RWDD4: variants seen among roughly 807,000 people sequenced by gnomAD.
The protein encoded by RWDD4 is RWD domain-containing protein 4.
A neutral mutation model predicts 30.0 loss-of-function variants in RWDD4; 16 were observed. That is an observed-to-expected ratio of 0.53 (90% CI 0.36 to 0.81). The LOEUF is 0.81. RWDD4 is among the 30% of genes least tolerant of loss of function. The pLI, the probability that RWDD4 is intolerant of heterozygous loss-of-function variation, is 0.00. For synonymous variants in RWDD4, 45 were observed against 72.1 expected (o/e 0.62, Z 1.90); for missense variants, 170 against 223.9 (o/e 0.76, Z 1.54).
intron 7 of RWDD4, among the ~76,000 whole-genome samples, chr4:183,645,546 G>T (rs1165314010): frequency 6.7e-6 from 1 of 148,814 alleles, no homozygotes; most frequent in African/African-American, 2.5e-5. Context: ...GAGGTAGCAG[G>T]ATCACCTAAG....
rs1224074532 is a variant in RWDD4, at chr4:183,640,836, CAAGAG to C, written c.*595_*599del. 2.4e-5 allele frequency: 3 copies of C among 123,254 alleles called. No homozygotes were observed. The highest frequency in any genetic ancestry group is 3.4e-5 in the Non-Finnish European group (2 of 59,566). The allele number at this position is 123,254 out of a possible 1,614,324, so 7.6% of individuals were successfully genotyped here. ...CATGATCAAACATCTTGACCCAAAT[CAAGAG>C]AAAAGTATAAATAGATATTAATTTA... On this transcript the variant is annotated 3_prime_UTR_variant, in exon 8 of 8. Transcript: ENST00000326397.
At chr4:183,655,038 T>C (rs1734158266) in intron 2 of RWDD4, among the ~76,000 whole-genome samples, 3 of 152,036 alleles carry the variant, frequency 2.0e-5, no homozygotes. Context: ...CCTCCTGGGT[T>C]CAAGTGATTC....
intron 2 of RWDD4, among the ~76,000 whole-genome samples, chr4:183,654,641 A>C (rs910373177): frequency 2.0e-5 from 3 of 152,184 alleles, no homozygotes; most frequent in Non-Finnish European, 4.4e-5. Context: ...AGTATAGGGA[A>C]ATTCTCGACC....
chr4:183,641,653 C>G (rs1175440095), intron 7 of RWDD4, among the ~76,000 whole-genome samples, 185 bp from the exon 8 acceptor site: 1 of 152,078 alleles, frequency 6.6e-6, no homozygotes, highest in Non-Finnish European at 1.5e-5. Context: ...AAAATGTAAC[C>G]TTGACAAAAA....
intron 2 of RWDD4, among the ~76,000 whole-genome samples, chr4:183,653,338 G>A (rs1734121770): frequency 6.6e-6 from 1 of 152,008 alleles, no homozygotes; most frequent in South Asian, 2.1e-4. Flanking sequence ...AGAAGGTGAG[G>A]TGGGAGGATG....
chr4:183,648,017 G>T (rs4498169), intron 5 of RWDD4, among the ~76,000 whole-genome samples: 28,889 of 151,868 alleles, frequency 0.19, 2,879 homozygotes, highest in East Asian at 0.26. Flanking sequence ...GGCCGAGGCT[G>T]GCAGATCACG....
chr4:183,659,028 G>A lies in RWDD4; in HGVS notation c.-76C>T, dbSNP rs899199243. ...GAGAAAGCGAAGGCAGCGGCCCAGA[G>A]GCCGGGCGTCCCCCTTTCGCGCCTC... On this transcript the variant is annotated 5_prime_UTR_variant, in exon 1 of 8. Coordinates refer to ENST00000326397, the MANE Select transcript of RWDD4 (RefSeq NM_152682.4). 3.5e-5 allele frequency: 40 copies of A among 1,138,664 alleles called. 1 individual carries two copies. The Admixed American group carries it at 7.0e-4, about 20-fold the overall frequency. The allele number at this position is 1,138,664 out of a possible 1,614,324, so 70.5% of individuals were successfully genotyped here.
At chr4:183,649,252 A>G (rs961779448) in intron 5 of RWDD4, among the ~76,000 whole-genome samples, 199 bp downstream of exon 5, 2 of 152,128 alleles carry the variant, frequency 1.3e-5, no homozygotes. Flanking sequence ...CGTCTCTACT[A>G]AAAATACAAA....
chr4:183,650,583 C>T (rs1351117169), intron 4 of RWDD4, among the ~76,000 whole-genome samples: 1 of 152,136 alleles, frequency 6.6e-6, no homozygotes, highest in Non-Finnish European at 1.5e-5. Flanking sequence ...AACATCTACA[C>T]ATTGAACTGT....
chr4:183,650,878 C>A, intron 4 of RWDD4, 106 bp downstream of exon 4: 1 of 1,139,636 alleles, frequency 8.8e-7, no homozygotes, highest in Non-Finnish European at 1.2e-6. Context: ...CTCACTTTAA[C>A]AAGTCTTCTT....
intron 7 of RWDD4, among the ~76,000 whole-genome samples, chr4:183,643,103 TAAAA>T: frequency 3.5e-5 from 3 of 84,908 alleles, no homozygotes; most frequent in African/African-American, 1.4e-4. Flanking sequence ...AATAAATAAA[TAAAA>T]TAAAAATTAA....
intron 2 of RWDD4, among the ~76,000 whole-genome samples, chr4:183,655,509 C>T (rs1320151999): frequency 5.9e-5 from 9 of 152,116 alleles, no homozygotes; most frequent in Non-Finnish European, 1.2e-4. Context: ...TGGTCTCGAT[C>T]TCCTGACCTC....
At chr4:183,652,679 A>G (rs928905318) in intron 2 of RWDD4, among the ~76,000 whole-genome samples, 52 of 151,952 alleles carry the variant, frequency 3.4e-4, no homozygotes, top group African/African-American at 1.2e-3. Context: ...GCATGGTGGC[A>G]TGCGCCTGTA....
At chr4:183,644,292 C>T (rs547766742) in intron 7 of RWDD4, among the ~76,000 whole-genome samples, 18 of 152,230 alleles carry the variant, frequency 1.2e-4, no homozygotes, top group Non-Finnish European at 1.8e-4. Context: ...GAGAGAATGC[C>T]GGAGAGGCTT....
At chr4:183,648,490 T>C (rs1452694844) in intron 5 of RWDD4, among the ~76,000 whole-genome samples, 7 of 89,602 alleles carry the variant, frequency 7.8e-5, no homozygotes, top group Non-Finnish European at 1.8e-4. Context: ...TGAGCTAGAG[T>C]TTATTATCTT....
intron 7 of RWDD4, among the ~76,000 whole-genome samples, chr4:183,641,672 C>T (rs937382613): frequency 1.3e-5 from 2 of 152,110 alleles, no homozygotes; most frequent in Admixed American, 6.5e-5. Context: ...AATCTAAACT[C>T]AACAGAACAA....
chr4:183,652,765 G>A, intron 2 of RWDD4, among the ~76,000 whole-genome samples: 1 of 150,052 alleles, frequency 6.7e-6, no homozygotes, highest in Non-Finnish European at 1.5e-5. Flanking sequence ...AGCCGAGATA[G>A]TGCCACTGCA....
chr4:183,653,171 A>G (rs1283396155), intron 2 of RWDD4, among the ~76,000 whole-genome samples: 1 of 152,250 alleles, frequency 6.6e-6, no homozygotes, highest in East Asian at 1.9e-4. Context: ...ATAAGGAGGC[A>G]CAGAAGATCT....
At position 183,640,005 on chromosome 4, in the gene RWDD4, C is replaced by T. The variant is rs1010690924; in HGVS notation, c.*1431G>A. Reference sequence around the variant, plus strand: ...AACCAATACAACCACAAATACTACCCACACACAACCCTGAAACATAAGTTG... The same window carrying T: ...AACCAATACAACCACAAATACTACCTACACACAACCCTGAAACATAAGTTG... On this transcript the variant is annotated 3_prime_UTR_variant, in exon 8 of 8. Coordinates refer to ENST00000326397, the MANE Select transcript of RWDD4 (RefSeq NM_152682.4). 2.6e-5 allele frequency: 4 copies of T among 152,156 alleles called. No homozygotes were observed. The highest frequency in any genetic ancestry group is 5.9e-5 in the Non-Finnish European group (4 of 68,032). 9.4% of individuals were successfully genotyped at this position (152,156 alleles called of 1,614,324 possible).
Sources: gnomAD v4.1 joint callset for allele counts (sites outside exome capture counted in the v4.1 genomes callset) on GRCh38, gnomAD v4.1.1 for gene constraint, MANE v1.5 for transcripts, NCBI Gene and HGNC (gene_info 2026-07-23, HGNC 2026-07-21) for gene names.